The following RSU1 variants were observed in gnomAD, a reference collection of about 807,000 sequenced individuals.
RSU1 encodes the protein Ras suppressor protein 1, also known as rsu-1.
In RSU1, 26 loss-of-function variants were observed where a neutral mutation model predicts 31.1. The ratio of observed to expected loss-of-function variants is 0.84; its 90% CI spans 0.61 to 1.16. The LOEUF is 1.16. RSU1 is among the 50% of genes most tolerant of loss of function. RSU1 has a pLI of 0.00. For missense variants in RSU1, 320 were observed against 339.1 expected, an observed-to-expected ratio of 0.94 and a Z score of 0.44; for synonymous variants, 164 against 136.3, an observed-to-expected ratio of 1.20 and a Z score of -1.41.
At chr10:16,597,513 G>A (rs564801331) in intron 8 of RSU1, among the ~76,000 whole-genome samples, 144 of 152,172 alleles carry the variant, frequency 9.5e-4, no homozygotes, top group Non-Finnish European at 1.7e-3. Flanking sequence ...CTCCCTCTCC[G>A]TGCCTCAGTT....
chr10:16,621,766 G>C (rs910207701), intron 8 of RSU1, among the ~76,000 whole-genome samples: 1 of 152,148 alleles, frequency 6.6e-6, no homozygotes. Context: ...TGCCACCCAT[G>C]ATTCAGTTAC....
chr10:16,722,197 C>T (rs1165479062), intron 7 of RSU1, among the ~76,000 whole-genome samples: 2 of 152,054 alleles, frequency 1.3e-5, no homozygotes, highest in African/African-American at 4.8e-5. Flanking sequence ...ATAAATTAAA[C>T]TTTATCAAAG....
At chr10:16,621,620 TG>T (rs1248377229) in intron 8 of RSU1, among the ~76,000 whole-genome samples, 1 of 152,062 alleles carries the variant, frequency 6.6e-6, no homozygotes. Context: ...ACAATCACGG[TG>T]GAAGGTGGAG....
At chr10:16,769,439 T>C (rs554396949) in intron 3 of RSU1, among the ~76,000 whole-genome samples, 1 of 152,374 alleles carries the variant, frequency 6.6e-6, no homozygotes, top group South Asian at 2.1e-4. Flanking sequence ...GTGGCTCCAC[T>C]ACTGCATGGC....
intron 3 of RSU1, among the ~76,000 whole-genome samples, chr10:16,777,264 T>TA (rs55960264): frequency 4.9e-4 from 71 of 146,204 alleles, no homozygotes; most frequent in South Asian, 1.1e-3. Flanking sequence ...TTCCACAGAT[T>TA]AAAAAAAAAA....
intron 3 of RSU1, among the ~76,000 whole-genome samples, chr10:16,765,285 C>T (rs1274037868): frequency 6.6e-6 from 1 of 152,142 alleles, no homozygotes. Context: ...AATATTCACC[C>T]TCCCTAGTTT....
intron 8 of RSU1, among the ~76,000 whole-genome samples, chr10:16,658,567 T>C (rs1834830997): frequency 6.6e-6 from 1 of 151,950 alleles, no homozygotes; most frequent in African/African-American, 2.4e-5. Flanking sequence ...CTACTAAAAA[T>C]ACAAAAATTA....
At chr10:16,645,812 AAAC>A (rs1428642041) in intron 8 of RSU1, among the ~76,000 whole-genome samples, 23 of 148,560 alleles carry the variant, frequency 1.5e-4, no homozygotes, top group African/African-American at 5.2e-4. Flanking sequence ...GTCACAAAAA[AAAC>A]AACAAAAACA....
At chr10:16,726,310 C>T (rs986258402) in intron 7 of RSU1, among the ~76,000 whole-genome samples, 6 of 148,144 alleles carry the variant, frequency 4.1e-5, no homozygotes, top group African/African-American at 1.5e-4. Context: ...GCTCTGTCAC[C>T]AGGTTAGAGT....
At chr10:16,788,459 G>C (rs1225043989) in intron 2 of RSU1, among the ~76,000 whole-genome samples, 2 of 152,172 alleles carry the variant, frequency 1.3e-5, no homozygotes, top group Non-Finnish European at 2.9e-5. Flanking sequence ...AGACATGTGA[G>C]ACACGATCTC....
rs151186643 is a variant in RSU1 at position 16,720,806 on chromosome 10, C to T, written c.599-25651G>A. On this transcript the variant is annotated intron_variant, in intron 7 of 8. Coordinates refer to ENST00000345264, the MANE Select transcript of RSU1 (RefSeq NM_012425.4). The stretch of plus-strand genomic sequence containing the variant: ...TGCCATGACAGCCTGGGCACCATGG[C>T]GAAACCCCACGTCTACAAAAAATAC... Among the ~76,000 whole-genome samples, 85 of 152,106 alleles carry T rather than the reference C, an allele frequency of 5.6e-4. 1 individual carries two copies. In the East Asian group the frequency reaches 0.016, roughly 28 times the overall value.
At chr10:16,644,389 G>A (rs188828058) in intron 8 of RSU1, among the ~76,000 whole-genome samples, 5 of 152,272 alleles carry the variant, frequency 3.3e-5, no homozygotes, top group East Asian at 1.9e-4. Flanking sequence ...CCACAAATAC[G>A]GTGATTACAC....
rs148464741 is a variant in RSU1 at position 16,629,599 on chromosome 10, A to C, written c.732-36103T>G. Among the ~76,000 whole-genome samples the C allele has an allele frequency of 4.9e-3, 749 of 152,340 alleles. 2 individuals carry two copies. Among genetic ancestry groups the C allele is most frequent in the Non-Finnish European group, 7.4e-3 (505 of 68,030 alleles). Reference sequence around the variant, plus strand: ...AATTCCTTCCTTGGATGCAACAAAAAGTATCTGAAAATTCAACCCTAAATG... The same window carrying C: ...AATTCCTTCCTTGGATGCAACAAAACGTATCTGAAAATTCAACCCTAAATG... On this transcript the variant is annotated intron_variant, in intron 8 of 8. Coordinates refer to ENST00000345264, the MANE Select transcript of RSU1 (RefSeq NM_012425.4).
At chr10:16,666,161 C>G (rs1457288648) in intron 8 of RSU1, among the ~76,000 whole-genome samples, 1 of 152,146 alleles carries the variant, frequency 6.6e-6, no homozygotes, top group Non-Finnish European at 1.5e-5. Context: ...TTTTATTCTA[C>G]AGCTATTCTA....
At chr10:16,659,497 G>T (rs1834850332) in intron 8 of RSU1, among the ~76,000 whole-genome samples, 1 of 151,972 alleles carries the variant, frequency 6.6e-6, no homozygotes, top group Non-Finnish European at 1.5e-5. Context: ...GATTAGTTCA[G>T]TCTCTCCCCA....
rs369457885 is a variant in RSU1, at chr10:16,764,458, A to T, written c.213T>A (p.Phe71Leu). 1.9e-5 allele frequency: 30 copies of T among 1,614,008 alleles called. No individual in the cohort carries two copies. The highest frequency in any genetic ancestry group is 1.1e-4 in the South Asian group (10 of 91,068). ...TGGGCAGCTCCTCGATTTGGTTATTAAAAAAGTTGAGCACCTCCAAATTCT... is the reference window on the plus strand; with the variant it reads ...TGGGCAGCTCCTCGATTTGGTTATTTAAAAAGTTGAGCACCTCCAAATTCT... ...ELKNLEVLNF[F>L]NNQIEELPTQ... is the part of the protein sequence containing the mutation. Residue 71 changes from phenylalanine (F) to leucine (L), a missense_variant, in exon 4 of 9, where the codon TTT becomes TTA. Coordinates refer to ENST00000345264, the MANE Select transcript of RSU1 (RefSeq NM_012425.4).
At chr10:16,643,357 T>G (rs532920894) in intron 8 of RSU1, among the ~76,000 whole-genome samples, 1 of 152,342 alleles carries the variant, frequency 6.6e-6, no homozygotes, top group East Asian at 1.9e-4. Flanking sequence ...TTTCAGTACA[T>G]AAATAATGCT....
chr10:16,784,832 G>A (rs949169517), intron 2 of RSU1, among the ~76,000 whole-genome samples: 2 of 152,284 alleles, frequency 1.3e-5, no homozygotes, highest in Non-Finnish European at 2.9e-5. Flanking sequence ...TCCGTCCCAC[G>A]ACATGTAGGA....
chr10:16,643,222 T>C (rs1834476235), intron 8 of RSU1, among the ~76,000 whole-genome samples: 2 of 152,140 alleles, frequency 1.3e-5, no homozygotes, highest in South Asian at 4.1e-4. Flanking sequence ...TAAATAACAA[T>C]TTATAGAAGA....
Sources: gnomAD v4.1 joint callset for allele counts (sites outside exome capture counted in the v4.1 genomes callset) on GRCh38, gnomAD v4.1.1 for gene constraint, MANE v1.5 for transcripts, NCBI Gene and HGNC (gene_info 2026-07-23, HGNC 2026-07-21) for gene names.